ULK4: variants seen among roughly 807,000 people sequenced by gnomAD.
The protein encoded by ULK4 is unc-51 like kinase 4.
Under a neutral mutation model 160.6 loss-of-function variants are expected in ULK4, and 133 were observed. That is an observed-to-expected ratio of 0.83 (90% CI 0.72 to 0.96). ULK4 has a LOEUF of 0.96. Ranked by LOEUF, ULK4 falls within the 40% of genes least tolerant of loss-of-function variation. The pLI, the probability that ULK4 is intolerant of heterozygous loss-of-function variation, is 0.00. For missense variants in ULK4, 1,580 were observed against 1,499.5 expected (o/e 1.05, Z -0.89); for synonymous variants, 534 against 539.8 (o/e 0.99, Z 0.15).
At chr3:41,506,087 A>T (rs2085363296) in intron 32 of ULK4, among the ~76,000 whole-genome samples, 1 of 152,202 alleles carries the variant, frequency 6.6e-6, no homozygotes. Context: ...ACGAAACTAG[A>T]AATGTCTTTC....
chr3:41,342,725 G>T (rs990087686), intron 35 of ULK4, among the ~76,000 whole-genome samples: 1 of 152,072 alleles, frequency 6.6e-6, no homozygotes, highest in Admixed American at 6.6e-5. Flanking sequence ...AACACAAAAC[G>T]AAAACTTTAG....
At chr3:41,687,362 A>T in intron 27 of ULK4, among the ~76,000 whole-genome samples, 1 of 151,204 alleles carries the variant, frequency 6.6e-6, no homozygotes, top group Non-Finnish European at 1.5e-5. Context: ...ATGAAGAGAG[A>T]CTCCATCTCA....
At chr3:41,379,530 C>G (rs2081600234) in intron 35 of ULK4, among the ~76,000 whole-genome samples, 1 of 152,186 alleles carries the variant, frequency 6.6e-6, no homozygotes, top group South Asian at 2.1e-4. Flanking sequence ...GCCTCAATAA[C>G]AATTTCATGG....
chr3:41,449,905 A>T (rs1260305824), intron 34 of ULK4, among the ~76,000 whole-genome samples: 4 of 148,422 alleles, frequency 2.7e-5, no homozygotes, highest in Non-Finnish European at 5.9e-5. Context: ...ACACTGATAC[A>T]AGTTGAGGAC....
chr3:41,695,907 C>T (rs1452149016), intron 27 of ULK4, among the ~76,000 whole-genome samples: 2 of 152,128 alleles, frequency 1.3e-5, no homozygotes. Flanking sequence ...GAGATAGGAG[C>T]TGAGGGGACA....
At chr3:41,826,388 A>G (rs944835949) in intron 18 of ULK4, among the ~76,000 whole-genome samples, 3 of 152,188 alleles carry the variant, frequency 2.0e-5, no homozygotes, top group Admixed American at 6.6e-5. Context: ...GTCAAGACCC[A>G]TCAGGGTGCT....
chr3:41,385,840 G>C (rs2081795781), intron 35 of ULK4, among the ~76,000 whole-genome samples: 1 of 152,174 alleles, frequency 6.6e-6, no homozygotes. Flanking sequence ...TGACTGGAGA[G>C]CTGAGACTGG....
At chr3:41,857,002 G>C (rs1012085870) in intron 17 of ULK4, among the ~76,000 whole-genome samples, 1 of 152,002 alleles carries the variant, frequency 6.6e-6, no homozygotes, top group Non-Finnish European at 1.5e-5. Context: ...CTATTAGACT[G>C]GATAAACTAG....
intron 22 of ULK4, among the ~76,000 whole-genome samples, chr3:41,724,576 A>G (rs1360705352): frequency 6.6e-6 from 1 of 152,074 alleles, no homozygotes; most frequent in South Asian, 2.1e-4. Context: ...ACAAAAAATT[A>G]GCCGGGCGTG....
At chr3:41,653,689 A>T (rs1398208278) in intron 30 of ULK4, among the ~76,000 whole-genome samples, 1 of 152,204 alleles carries the variant, frequency 6.6e-6, no homozygotes, top group East Asian at 1.9e-4. Context: ...CCAGACACAG[A>T]ATCTCTGTCT....
chr3:41,661,408 CATGTA>C (rs2035155620), intron 30 of ULK4, among the ~76,000 whole-genome samples: 1 of 151,662 alleles, frequency 6.6e-6, no homozygotes, highest in Non-Finnish European at 1.5e-5. Context: ...TGCGTGCCCA[CATGTA>C]CACAGGTATA....
At chr3:41,455,424 A>C in intron 34 of ULK4, 73 bp downstream of exon 34, 21 of 1,358,308 alleles carry the variant, frequency 1.5e-5, no homozygotes, top group Non-Finnish European at 2.1e-5. Context: ...TAGAAACTCA[A>C]GAGATCAGGA....
chr3:41,771,555 CA>C (rs1037220511), intron 21 of ULK4, among the ~76,000 whole-genome samples: 18 of 152,198 alleles, frequency 1.2e-4, no homozygotes, highest in African/African-American at 4.3e-4. Context: ...CCAACAACAA[CA>C]AAAAATCATG....
intron 32 of ULK4, among the ~76,000 whole-genome samples, chr3:41,537,920 G>A (rs1416677420): frequency 7.8e-6 from 1 of 128,074 alleles, no homozygotes; most frequent in Admixed American, 7.3e-5. Context: ...TGTCCTTTGT[G>A]GCATTTTTTT....
At chr3:41,282,984 A>G (rs1403100991) in intron 35 of ULK4, among the ~76,000 whole-genome samples, 1 of 152,242 alleles carries the variant, frequency 6.6e-6, no homozygotes, top group Non-Finnish European at 1.5e-5. Context: ...AAGTTGGCAA[A>G]TGATATGAAC....
At chr3:41,463,878 A>G (rs904532622) in intron 32 of ULK4, among the ~76,000 whole-genome samples, 1 of 152,146 alleles carries the variant, frequency 6.6e-6, no homozygotes, top group Non-Finnish European at 1.5e-5. Context: ...TGACATTTTT[A>G]TCCTATTATA....
chr3:41,736,689 T>A (rs2038062489), intron 22 of ULK4, among the ~76,000 whole-genome samples: 2 of 151,060 alleles, frequency 1.3e-5, no homozygotes, highest in Admixed American at 1.3e-4. Context: ...AGAAGCTCTT[T>A]AGTTTAATTA....
intron 17 of ULK4, among the ~76,000 whole-genome samples, chr3:41,860,501 T>G (rs1485673543): frequency 6.6e-6 from 1 of 152,240 alleles, no homozygotes; most frequent in Non-Finnish European, 1.5e-5. Flanking sequence ...CTTACAGATT[T>G]TGTCTTGAAA....
At chr3:41,366,439 C>T (rs537837966) in intron 35 of ULK4, among the ~76,000 whole-genome samples, 12 of 152,002 alleles carry the variant, frequency 7.9e-5, no homozygotes, top group Non-Finnish European at 1.5e-4. Context: ...TATGTTTTAA[C>T]AGTCCTATAC....
Sources: gnomAD v4.1 joint callset for allele counts (sites outside exome capture counted in the v4.1 genomes callset) on GRCh38, gnomAD v4.1.1 for gene constraint, MANE v1.5 for transcripts, NCBI Gene and HGNC (gene_info 2026-07-23, HGNC 2026-07-21) for gene names.